SNTB1: variants seen among roughly 807,000 people sequenced by gnomAD.
SNTB1 encodes the protein beta-1-syntrophin.
Under a neutral mutation model 48.9 loss-of-function variants are expected in SNTB1, and 36 were observed. The observed-to-expected ratio is 0.74, with a 90% CI of 0.56 to 0.97. SNTB1 has a LOEUF of 0.97. Ranked by LOEUF, SNTB1 falls within the 50% of genes least tolerant of loss-of-function variation. The pLI, the probability that SNTB1 is intolerant of heterozygous loss-of-function variation, is 0.00. For missense variants in SNTB1, 786 were observed against 703.4 expected, an observed-to-expected ratio of 1.12 and a Z score of -1.33; for synonymous variants, 299 against 294.6, an observed-to-expected ratio of 1.01 and a Z score of -0.15.
At chr8:120,559,740 T>C (rs1222121903) in intron 4 of SNTB1, among the ~76,000 whole-genome samples, 1 of 152,228 alleles carries the variant, frequency 6.6e-6, no homozygotes, top group African/African-American at 2.4e-5. Context: ...TCAGAGAATG[T>C]TGCATAAAAT....
intron 2 of SNTB1, chr8:120,637,225 T>C: frequency 2.9e-6 from 1 of 345,378 alleles, no homozygotes; most frequent in South Asian, 3.5e-5. Flanking sequence ...GTCACAGGAT[T>C]CTACCATAAC....
At chr8:120,575,064 C>T in intron 4 of SNTB1, 22 bp downstream of exon 4, 1 of 1,614,040 alleles carries the variant, frequency 6.2e-7, no homozygotes, top group Non-Finnish European at 8.5e-7. Context: ...ACACATCATA[C>T]CAAACACAAG....
At chr8:120,576,127 T>A (rs1815946985) in intron 3 of SNTB1, among the ~76,000 whole-genome samples, 1 of 152,222 alleles carries the variant, frequency 6.6e-6, no homozygotes, top group African/African-American at 2.4e-5. Flanking sequence ...GGGAGCTTGC[T>A]AGAGTCTCAG....
At chr8:120,735,606 C>G (rs1286660154) in intron 1 of SNTB1, among the ~76,000 whole-genome samples, 5 of 152,126 alleles carry the variant, frequency 3.3e-5, no homozygotes, top group African/African-American at 1.2e-4. Context: ...CAGAGAAAGG[C>G]CATGTGAAGA....
intron 1 of SNTB1, among the ~76,000 whole-genome samples, chr8:120,797,412 G>A (rs7834042): frequency 0.043 from 6,546 of 152,008 alleles, 198 homozygotes; most frequent in South Asian, 0.094. Context: ...TTGTTATTCA[G>A]GGGTTGATAT....
At chr8:120,805,681 AT>A (rs1390521332) in intron 1 of SNTB1, among the ~76,000 whole-genome samples, 2 of 152,358 alleles carry the variant, frequency 1.3e-5, no homozygotes, top group Admixed American at 6.5e-5. Context: ...TGTTGTTTTA[AT>A]TTACTAGGGT....
chr8:120,791,230 A>C (rs1216287177), intron 1 of SNTB1, among the ~76,000 whole-genome samples: 5 of 151,922 alleles, frequency 3.3e-5, no homozygotes, highest in Admixed American at 3.3e-4. Flanking sequence ...TGTTGATAGG[A>C]AAATTGAATG....
rs147273409 is a variant in SNTB1 at position 120,691,914 on chromosome 8, T to C, written c.788+1778A>G. Among the ~76,000 whole-genome samples the C allele has an allele frequency of 3.8e-3, 580 of 152,238 alleles. 3 individuals carry two copies. Among genetic ancestry groups the C allele is most frequent in the African/African-American group, 0.013 (550 of 41,534 alleles). On this transcript the variant is annotated intron_variant, in intron 2 of 6. Coordinates refer to ENST00000517992, the MANE Select transcript of SNTB1 (RefSeq NM_021021.4). ...TCATTGGGAGATGGGACTTGTTTGA[T>C]TGGGTGGGTAAAAGCCCAGGGAAAA...
chr8:120,796,185 G>GT (rs1316533052), intron 1 of SNTB1, among the ~76,000 whole-genome samples: 15 of 151,888 alleles, frequency 9.9e-5, no homozygotes, highest in Non-Finnish European at 2.1e-4. Flanking sequence ...AGACATGCCC[G>GT]TTTCCCCTTC....
At chr8:120,634,741 A>T (rs1817045117) in intron 2 of SNTB1, among the ~76,000 whole-genome samples, 1 of 152,172 alleles carries the variant, frequency 6.6e-6, no homozygotes. Flanking sequence ...AACATTTGAA[A>T]CCAAACTTTT....
intron 3 of SNTB1, among the ~76,000 whole-genome samples, chr8:120,592,712 A>G (rs1816262585): frequency 6.6e-6 from 1 of 152,168 alleles, no homozygotes. Flanking sequence ...TCAAATAAAT[A>G]AAGAAATATA....
intron 5 of SNTB1, among the ~76,000 whole-genome samples, chr8:120,543,070 G>A (rs1000260318): frequency 6.6e-6 from 1 of 152,066 alleles, no homozygotes; most frequent in African/African-American, 2.4e-5. Flanking sequence ...GAGCAGGTGC[G>A]GTGCCAGCTT....
intron 1 of SNTB1, among the ~76,000 whole-genome samples, chr8:120,747,833 A>C (rs1819153027): frequency 6.6e-6 from 1 of 152,244 alleles, no homozygotes; most frequent in African/African-American, 2.4e-5. Context: ...TAAATTTCAA[A>C]TTAAAATATA....
chr8:120,769,041 T>C (rs1819575187), intron 1 of SNTB1: 1 of 152,248 alleles, frequency 6.6e-6, no homozygotes, highest in Non-Finnish European at 1.5e-5. Context: ...CATAGACCTG[T>C]TTGCCTCACC....
intron 4 of SNTB1, among the ~76,000 whole-genome samples, chr8:120,560,644 T>A (rs1361001446): frequency 6.6e-6 from 1 of 151,904 alleles, no homozygotes; most frequent in East Asian, 1.9e-4. Flanking sequence ...CAGCTTGGAG[T>A]CAATTCCTGA....
At chr8:120,661,927 C>T (rs1344114515) in intron 2 of SNTB1, among the ~76,000 whole-genome samples, 3 of 152,156 alleles carry the variant, frequency 2.0e-5, no homozygotes, top group Admixed American at 6.5e-5. Context: ...GTGCTGGAGG[C>T]AATTTTAACT....
At chr8:120,569,659 G>A (rs1314444598) in intron 4 of SNTB1, among the ~76,000 whole-genome samples, 1 of 152,196 alleles carries the variant, frequency 6.6e-6, no homozygotes, top group Non-Finnish European at 1.5e-5. Flanking sequence ...GACAAACTTG[G>A]AAGGAGTCAT....
chr8:120,777,485 G>A (rs978992518), intron 1 of SNTB1, among the ~76,000 whole-genome samples: 3 of 152,158 alleles, frequency 2.0e-5, no homozygotes, highest in African/African-American at 4.8e-5. Context: ...ATCTCAAAAC[G>A]ATAGGCCCCT....
chr8:120,811,131 T>TCCCC, intron 1 of SNTB1, 142 bp downstream of exon 1: 1 of 1,013,412 alleles, frequency 9.9e-7, no homozygotes, highest in African/African-American at 1.7e-5. Context: ...GCGCCACCCT[T>TCCCC]CCCCCCCCCC....
Sources: gnomAD v4.1 joint callset for allele counts (sites outside exome capture counted in the v4.1 genomes callset) on GRCh38, gnomAD v4.1.1 for gene constraint, MANE v1.5 for transcripts, NCBI Gene and HGNC (gene_info 2026-07-23, HGNC 2026-07-21) for gene names.